Variants in NRXN3 observed in about 807,000 individuals in gnomAD.
The protein encoded by NRXN3 is neurexin III.
Under a neutral mutation model 137.6 loss-of-function variants are expected in NRXN3, and 32 were observed. That is an observed-to-expected ratio of 0.23 (90% CI 0.18 to 0.31). The LOEUF is 0.31. NRXN3 is among the 10% of genes least tolerant of loss of function. The pLI is 1.00. For synonymous variants in NRXN3, 798 were observed against 784.5 expected, an observed-to-expected ratio of 1.02 and a Z score of -0.29; for missense variants, 1,574 against 2,062.5, an observed-to-expected ratio of 0.76 and a Z score of 4.59.
chr14:78,782,623 C>T (rs1220829031), intron 8 of NRXN3, among the ~76,000 whole-genome samples: 1 of 152,154 alleles, frequency 6.6e-6, no homozygotes, highest in Non-Finnish European at 1.5e-5. Flanking sequence ...AAGTCAGGTG[C>T]GTTGTCTCTC....
chr14:78,759,403 A>C (rs1466229100), intron 8 of NRXN3, among the ~76,000 whole-genome samples: 1 of 152,230 alleles, frequency 6.6e-6, no homozygotes, highest in African/African-American at 2.4e-5. Context: ...TATTTTTGCA[A>C]ATGAGGACAC....
intron 15 of NRXN3, among the ~76,000 whole-genome samples, chr14:79,119,443 A>T (rs943948668): frequency 4.6e-5 from 7 of 152,188 alleles, no homozygotes; most frequent in Non-Finnish European, 1.0e-4. Flanking sequence ...CTGTCTCTCC[A>T]CAAGTAATAC....
intron 20 of NRXN3, among the ~76,000 whole-genome samples, chr14:79,838,757 G>A (rs1282483346): frequency 6.6e-6 from 1 of 152,128 alleles, no homozygotes; most frequent in African/African-American, 2.4e-5. Context: ...AGACATGGTG[G>A]GATTCGTGTT....
chr14:79,253,700 G>A (rs1002103317), intron 15 of NRXN3, among the ~76,000 whole-genome samples: 2 of 152,192 alleles, frequency 1.3e-5, no homozygotes, highest in African/African-American at 2.4e-5. Context: ...AAGAAAGAGC[G>A]AGGCAGGAGC....
intron 4 of NRXN3, among the ~76,000 whole-genome samples, chr14:78,554,456 G>A (rs777647709): frequency 1.3e-5 from 2 of 152,126 alleles, no homozygotes; most frequent in South Asian, 2.1e-4. Context: ...AACAGGCTTC[G>A]TGGGGACCAA....
intron 15 of NRXN3, among the ~76,000 whole-genome samples, chr14:79,276,709 TAAA>T (rs757712972): frequency 4.1e-5 from 5 of 122,028 alleles, no homozygotes; most frequent in Admixed American, 8.2e-5. Context: ...CAATGCCAAT[TAAA>T]AAAAAAAAAA....
rs1267965573 is a variant in NRXN3 at position 78,479,564 on chromosome 14, TTAAA to T, written c.758-165555_758-165552del. ...AAGGTTTGTCCCCAGAACATACTTATTAAAATGCAGATTCTGGGCACCTCCCTAA... is the reference window on the plus strand; with the variant it reads ...AAGGTTTGTCCCCAGAACATACTTATATGCAGATTCTGGGCACCTCCCTAA... On this transcript the variant is annotated intron_variant, in intron 4 of 20. Transcript: ENST00000335750. 4.6e-5 allele frequency among the ~76,000 whole-genome samples: 7 copies of T among 152,318 alleles called. No homozygotes were observed. In the East Asian group the frequency reaches 1.2e-3, roughly 25 times the overall value.
At chr14:79,853,795 C>T in intron 20 of NRXN3, 1 of 993,280 alleles carries the variant, frequency 1.0e-6, no homozygotes, top group Non-Finnish European at 1.2e-6. Flanking sequence ...TATCTGAAAA[C>T]TTATAAATGC....
At chr14:79,480,922 C>T (rs1363952477) in intron 16 of NRXN3, among the ~76,000 whole-genome samples, 2 of 152,126 alleles carry the variant, frequency 1.3e-5, no homozygotes, top group Admixed American at 1.3e-4. Flanking sequence ...CCTATATACC[C>T]TATGGAACCA....
intron 15 of NRXN3, among the ~76,000 whole-genome samples, chr14:79,058,494 A>G (rs1364135998): frequency 1.3e-5 from 2 of 152,048 alleles, no homozygotes; most frequent in African/African-American, 4.8e-5. Flanking sequence ...AGATATATAT[A>G]TATATTTTTA....
Position 79,486,529 on chromosome 14 carries a change from A to G in NRXN3, c.3444+19127A>G, listed in dbSNP as rs953388300. 4.6e-5 allele frequency among the ~76,000 whole-genome samples: 7 copies of G among 152,224 alleles called. 1 individual carries two copies. The highest frequency in any genetic ancestry group is 1.7e-4 in the African/African-American group (7 of 41,542). On this transcript the variant is annotated intron_variant, in intron 16 of 20. Transcript: ENST00000335750. ...AACCATGGTGACAAACGGAGCCACCACCCTCAGCAGTTCCCAGGAGGAACC... is the reference window on the plus strand; with the variant it reads ...AACCATGGTGACAAACGGAGCCACCGCCCTCAGCAGTTCCCAGGAGGAACC...
chr14:78,538,506 A>T (rs1223219797), intron 4 of NRXN3, among the ~76,000 whole-genome samples: 1 of 152,110 alleles, frequency 6.6e-6, no homozygotes, highest in Non-Finnish European at 1.5e-5. Context: ...GCTTAAGGAG[A>T]TTTTGGGCTG....
intron 4 of NRXN3, among the ~76,000 whole-genome samples, chr14:78,617,164 G>A (rs763408229): frequency 6.6e-6 from 1 of 152,132 alleles, no homozygotes; most frequent in African/African-American, 2.4e-5. Context: ...CAGGATGAAG[G>A]CTATGATTAA....
rs111771925 is a variant in NRXN3 at position 79,159,257 on chromosome 14, A to T, written c.3262+171116A>T. Among the ~76,000 whole-genome samples the T allele has an allele frequency of 1.7e-3, 257 of 151,802 alleles. 1 individual carries two copies. The highest frequency in any genetic ancestry group is 5.6e-3 in the African/African-American group (233 of 41,482). On this transcript the variant is annotated intron_variant, in intron 15 of 20. Transcript: ENST00000335750. Reference sequence around the variant, plus strand: ...GCTTTGATTGTGCTTTGTTTTTAGAATCATAGTGATGAAGCCATGTTTCAT... The same window carrying T: ...GCTTTGATTGTGCTTTGTTTTTAGATTCATAGTGATGAAGCCATGTTTCAT...
chr14:79,607,871 A>G (rs1330269564), intron 16 of NRXN3, among the ~76,000 whole-genome samples: 2 of 151,426 alleles, frequency 1.3e-5, no homozygotes, highest in Admixed American at 1.3e-4. Context: ...GGGTCTCACT[A>G]TGTTGCCCAG....
intron 4 of NRXN3, among the ~76,000 whole-genome samples, chr14:78,542,646 G>A (rs924564303): frequency 2.0e-5 from 3 of 152,194 alleles, no homozygotes; most frequent in Admixed American, 2.0e-4. Flanking sequence ...GCACTTCCTG[G>A]GTGAGGCGAT....
chr14:79,391,537 ATAT>A (rs1395847878), intron 15 of NRXN3, among the ~76,000 whole-genome samples: 2 of 152,232 alleles, frequency 1.3e-5, no homozygotes, highest in African/African-American at 4.8e-5. Context: ...CATTCTACAA[ATAT>A]TATCTAACAA....
At chr14:78,416,925 T>G (rs974681432) in intron 4 of NRXN3, among the ~76,000 whole-genome samples, 1 of 152,202 alleles carries the variant, frequency 6.6e-6, no homozygotes, top group Non-Finnish European at 1.5e-5. Flanking sequence ...GAATGACAAG[T>G]GCTTTGTAAT....
chr14:78,903,238 T>A (rs1249346696), intron 10 of NRXN3, among the ~76,000 whole-genome samples: 1 of 151,226 alleles, frequency 6.6e-6, no homozygotes, highest in Non-Finnish European at 1.5e-5. Flanking sequence ...AGCCTTGATG[T>A]CCTGGGCTCA....
Sources: allele counts gnomAD v4.1 joint callset (sites outside exome capture counted in the v4.1 genomes callset), GRCh38; gene constraint gnomAD v4.1.1; transcripts MANE v1.5; gene names NCBI Gene and HGNC (gene_info 2026-07-23, HGNC 2026-07-21).